Variants in STIM1 observed in about 807,000 individuals in gnomAD.
STIM1 encodes the protein stromal interaction molecule 1.
A neutral mutation model predicts 74.7 loss-of-function variants in STIM1; 25 were observed. The ratio of observed to expected loss-of-function variants is 0.33; its 90% confidence interval spans 0.24 to 0.47. STIM1 has a LOEUF of 0.47. Ranked by LOEUF, STIM1 falls within the 20% of genes least tolerant of loss-of-function variation. The pLI is 1.00. For missense variants in STIM1, 728 were observed against 920.8 expected, an observed-to-expected ratio of 0.79 and a Z score of 2.71; for synonymous variants, 328 against 348.8, an observed-to-expected ratio of 0.94 and a Z score of 0.66.
At chr11:3,859,636 C>T (rs1472174161) in intron 1 of STIM1, among the ~76,000 whole-genome samples, 1 of 152,204 alleles carries the variant, frequency 6.6e-6, no homozygotes, top group African/African-American at 2.4e-5. Context: ...GCTGGCTTCT[C>T]AATCAACCTC....
At chr11:3,973,594 C>T (rs924034519) in intron 2 of STIM1, among the ~76,000 whole-genome samples, 1 of 152,022 alleles carries the variant, frequency 6.6e-6, no homozygotes, top group Non-Finnish European at 1.5e-5. Flanking sequence ...GAGATGAGGT[C>T]TTGCCATGCT....
At chr11:3,924,329 GCTGGGACTA>G (rs1565117119) in intron 1 of STIM1, among the ~76,000 whole-genome samples, 2 of 150,686 alleles carry the variant, frequency 1.3e-5, no homozygotes, top group Non-Finnish European at 2.9e-5. Flanking sequence ...CTTCCAAGTA[GCTGGGACTA>G]CAGGCGCCCA....
intron 12 of STIM1, 64 bp from the exon 13 acceptor site, chr11:4,091,218 G>A (rs147641745): frequency 1.4e-4 from 224 of 1,608,198 alleles, no homozygotes; most frequent in Non-Finnish European, 1.6e-4. Context: ...TCTCCTCTTC[G>A]CCTTTCCCCT....
At chr11:4,001,017 G>A (rs1590635750) in intron 2 of STIM1, among the ~76,000 whole-genome samples, 1 of 152,132 alleles carries the variant, frequency 6.6e-6, no homozygotes, top group African/African-American at 2.4e-5. Flanking sequence ...GAAATGAAGC[G>A]AGAAGGGAAG....
intron 1 of STIM1, among the ~76,000 whole-genome samples, chr11:3,918,860 G>A (rs991788163): frequency 6.6e-5 from 10 of 152,108 alleles, no homozygotes; most frequent in South Asian, 2.1e-4. Context: ...AACAAAATTC[G>A]TAGATGTTTA....
At chr11:3,885,174 A>T (rs2091658343) in intron 1 of STIM1, among the ~76,000 whole-genome samples, 2 of 143,722 alleles carry the variant, frequency 1.4e-5, no homozygotes, top group South Asian at 4.7e-4. Flanking sequence ...TTCAATATAA[A>T]CATAGATAAT....
chr11:4,077,650 C>G (rs1325794533), intron 7 of STIM1, among the ~76,000 whole-genome samples: 1 of 152,154 alleles, frequency 6.6e-6, no homozygotes, highest in Non-Finnish European at 1.5e-5. Flanking sequence ...TTCTGAGAAT[C>G]TAATATTTAT....
chr11:4,051,951 A>G (rs2094246033), intron 3 of STIM1, among the ~76,000 whole-genome samples: 1 of 152,250 alleles, frequency 6.6e-6, no homozygotes, highest in South Asian at 2.1e-4. Context: ...AAGCATTCCT[A>G]TACATCAAGA....
chr11:3,968,979 C>T (rs1284048426), intron 2 of STIM1, among the ~76,000 whole-genome samples: 1 of 152,196 alleles, frequency 6.6e-6, no homozygotes, highest in Admixed American at 6.5e-5. Flanking sequence ...CAGTGCAGAT[C>T]TGATTTCAAA....
At chr11:3,926,999 T>C (rs762332911) in intron 1 of STIM1, among the ~76,000 whole-genome samples, 46 of 152,346 alleles carry the variant, frequency 3.0e-4, no homozygotes, top group Non-Finnish European at 6.2e-4. Context: ...TTTCCTCTTA[T>C]GTTAAATAGG....
At position 3,937,085 on chromosome 11, in the gene STIM1, G is replaced by T. The variant is rs201018279; in HGVS notation, c.140-30467G>T. Among the ~76,000 whole-genome samples, 3 of 151,926 alleles carry T rather than the reference G, an allele frequency of 2.0e-5. No homozygotes were observed. In the East Asian group the frequency reaches 5.8e-4, roughly 29 times the overall value. On this transcript the variant is annotated intron_variant, in intron 1 of 12. Coordinates refer to ENST00000526596, the MANE Select transcript of STIM1 (RefSeq NM_001382567.1). ...CTTTGGGAGGCCGAGGAGTCCAGGA[G>T]TTGAAGACCAGCCTGGGTGACATGG...
At chr11:3,903,110 C>G (rs147595443) in intron 1 of STIM1, among the ~76,000 whole-genome samples, 2,070 of 152,186 alleles carry the variant, frequency 0.014, 14 homozygotes, top group Non-Finnish European at 0.021. Context: ...TTTGTACCAA[C>G]CCTATGAAAG....
At chr11:3,888,887 T>C (rs2091813277) in intron 1 of STIM1, among the ~76,000 whole-genome samples, 1 of 151,938 alleles carries the variant, frequency 6.6e-6, no homozygotes, top group Non-Finnish European at 1.5e-5. Flanking sequence ...GAGGGACTCA[T>C]CTGAATTGTT....
intron 2 of STIM1, among the ~76,000 whole-genome samples, chr11:4,014,343 C>T (rs1217792106): frequency 6.6e-6 from 1 of 152,150 alleles, no homozygotes; most frequent in Non-Finnish European, 1.5e-5. Flanking sequence ...GTTCAGTTCC[C>T]ACGTAGTTGT....
In STIM1 at chr11:4,091,741, C is replaced by T; in HGVS notation, c.2094C>T (p.Ser698=). ...DNGSIGEETD[S]SPGRKKFPLK... ...GCTCTATTGGCGAGGAAACAGACTC[C>T]AGCCCAGGCCGGAAGAAGTTTCCCC... The change falls in exon 13 of 13, where the codon TCC becomes TCT. Residue 698 remains serine, a synonymous_variant. Transcript: ENST00000526596. 6.2e-7 allele frequency: 1 copy of T among 1,613,076 alleles called. No individual in the cohort carries two copies. Among genetic ancestry groups the T allele is most frequent in the Non-Finnish European group, 8.5e-7 (1 of 1,180,030 alleles).
intron 2 of STIM1, among the ~76,000 whole-genome samples, chr11:3,996,786 G>A (rs192296707): frequency 1.2e-3 from 184 of 152,338 alleles, no homozygotes; most frequent in African/African-American, 4.2e-3. Context: ...TTACTGGAGA[G>A]TGGGTCTGTG....
intron 7 of STIM1, 39 bp downstream of exon 7, chr11:4,074,718 G>A: frequency 6.5e-7 from 1 of 1,548,936 alleles, no homozygotes; most frequent in Non-Finnish European, 8.7e-7. Context: ...CTTGACGGGT[G>A]GGTAAAGGGC....
At chr11:3,877,142 AGT>A (rs2091331571) in intron 1 of STIM1, among the ~76,000 whole-genome samples, 1 of 152,142 alleles carries the variant, frequency 6.6e-6, no homozygotes, top group Non-Finnish European at 1.5e-5. Flanking sequence ...TGGTTTGCAA[AGT>A]GTGATGGGAG....
chr11:4,045,411 T>C (rs1310972677), intron 3 of STIM1, among the ~76,000 whole-genome samples: 1 of 152,166 alleles, frequency 6.6e-6, no homozygotes, highest in African/African-American at 2.4e-5. Context: ...ATATATTCAT[T>C]TTCAGGAATA....
Sources: allele counts gnomAD v4.1 joint callset (sites outside exome capture counted in the v4.1 genomes callset), GRCh38; gene constraint gnomAD v4.1.1; transcripts MANE v1.5; gene names NCBI Gene and HGNC (gene_info 2026-07-23, HGNC 2026-07-21).